TCF24: variants seen among roughly 807,000 people sequenced by gnomAD.
TCF24 encodes the protein transcription factor 24.
TCF24 carries 5 observed loss-of-function variants against 9.3 expected under a neutral mutation model. The ratio of observed to expected loss-of-function variants is 0.54; its 90% CI spans 0.28 to 1.13. TCF24 has a LOEUF of 1.13. TCF24 is among the 50% of genes most tolerant of loss of function. TCF24 has a pLI of 0.09. For missense variants in TCF24, 220 were observed against 236.1 expected, an observed-to-expected ratio of 0.93 and a Z score of 0.45; for synonymous variants, 110 against 115.8, an observed-to-expected ratio of 0.95 and a Z score of 0.32.
chr8:66,959,370 A>G (rs1001923873), intron 3 of TCF24, among the ~76,000 whole-genome samples: 5 of 152,250 alleles, frequency 3.3e-5, no homozygotes, highest in African/African-American at 1.2e-4. Flanking sequence ...AGTTGACCAT[A>G]AAAGTATAAA....
intron 3 of TCF24, among the ~76,000 whole-genome samples, chr8:66,953,168 T>C (rs376400478): frequency 6.6e-6 from 1 of 151,996 alleles, no homozygotes; most frequent in East Asian, 1.9e-4. Context: ...TGCTCGTTAG[T>C]TGATGCAGTT....
intron 3 of TCF24, among the ~76,000 whole-genome samples, chr8:66,958,047 A>C (rs1304176891): frequency 2.0e-5 from 3 of 152,076 alleles, no homozygotes; most frequent in Non-Finnish European, 4.4e-5. Flanking sequence ...CTCCTTTTTC[A>C]TGGATTAATA....
At chr8:66,952,687 C>A (rs980091527) in intron 3 of TCF24, among the ~76,000 whole-genome samples, 24 of 147,844 alleles carry the variant, frequency 1.6e-4, no homozygotes, top group African/African-American at 2.7e-4. Context: ...CTAATGTTGA[C>A]AGTGGGGTGT....
intron 3 of TCF24, among the ~76,000 whole-genome samples, chr8:66,954,794 T>C (rs546780845): frequency 6.6e-6 from 1 of 152,386 alleles, no homozygotes; most frequent in Admixed American, 6.5e-5. Flanking sequence ...TATAATCTCG[T>C]GGTGTGCCGT....
At chr8:66,961,063 G>A (rs563249744) in intron 3 of TCF24, among the ~76,000 whole-genome samples, 15 of 152,206 alleles carry the variant, frequency 9.9e-5, no homozygotes, top group Non-Finnish European at 2.2e-4. Context: ...ATCAGGATGT[G>A]CAACCAAGCC....
intron 3 of TCF24, chr8:66,954,975 T>C (rs1421271830): frequency 6.4e-6 from 1 of 155,098 alleles, no homozygotes; most frequent in Non-Finnish European, 1.4e-5. Context: ...GCGCACCCAC[T>C]GACCTGCGCC....
rs1346341937 is a variant in TCF24 at position 66,948,101 on chromosome 8, A to G, written c.454T>C (p.Ser152Pro). ...TTGTCATGATTTGTTTTTTCTCCAG[A>G]AACAGAATGCTTCAGAAACTGACCA... ...ATGQFLKHSV[S>P]GEKTNHDNTP... The change falls in exon 4 of 4, where the codon TCT (serine) becomes CCT (proline). Residue 152 changes from serine (S) to proline (P), a missense_variant. Coordinates refer to ENST00000563496, the MANE Select transcript of TCF24 (RefSeq NM_001193502.2). 1 of 1,535,254 alleles carries G rather than the reference A, an allele frequency of 6.5e-7. No individual in the cohort carries two copies. The highest frequency in any genetic ancestry group is 2.0e-5 in the Admixed American group (1 of 50,716).
intron 3 of TCF24, among the ~76,000 whole-genome samples, chr8:66,951,715 A>T (rs1027399206): frequency 6.6e-6 from 1 of 151,988 alleles, no homozygotes; most frequent in African/African-American, 2.4e-5. Flanking sequence ...CTGTGAATCC[A>T]TCTGGTCCTG....
At position 66,961,898 on chromosome 8, in the gene TCF24, G is replaced by A; in HGVS notation, c.-45C>T. The A allele has an allele frequency of 2.5e-6, 2 of 800,168 alleles. No homozygotes were observed. Among genetic ancestry groups the A allele is most frequent in the Non-Finnish European group, 3.1e-6 (2 of 654,788 alleles). The allele number at this position is 800,168 out of a possible 1,614,324, so 49.6% of individuals were successfully genotyped here. A position where few individuals can be genotyped will look rare whatever the true frequency, so the allele number is the denominator to read the frequency against. On this transcript the variant is annotated 5_prime_UTR_variant, in exon 2 of 4. Transcript: ENST00000563496. ...CCACCAGCAGCCCAACGGGGCTAAGGGCGCTCTCAAGCGAGCTCGTTTTGC... is the reference window on the plus strand; with the variant it reads ...CCACCAGCAGCCCAACGGGGCTAAGAGCGCTCTCAAGCGAGCTCGTTTTGC...
intron 3 of TCF24, among the ~76,000 whole-genome samples, chr8:66,948,921 C>G (rs1192623939): frequency 3.9e-5 from 6 of 152,116 alleles, no homozygotes; most frequent in Non-Finnish European, 5.9e-5. Context: ...GTCTTGAACT[C>G]CTGACCTCAA....
intron 3 of TCF24, among the ~76,000 whole-genome samples, chr8:66,951,455 G>A (rs1288058227): frequency 6.7e-6 from 1 of 149,054 alleles, no homozygotes; most frequent in Non-Finnish European, 1.5e-5. Flanking sequence ...CTTGATCATG[G>A]TGGATAAGCT....
At chr8:66,958,915 C>T (rs1814211251) in intron 3 of TCF24, among the ~76,000 whole-genome samples, 1 of 152,150 alleles carries the variant, frequency 6.6e-6, no homozygotes, top group Admixed American at 6.6e-5. Flanking sequence ...TTAAAAACTG[C>T]CATTTCAGGC....
rs896341698 is a variant in TCF24 at position 66,946,758 on chromosome 8, TCTA to T, written c.*1290_*1292del. 3.0e-4 allele frequency: 46 copies of T among 152,302 alleles called. No individual in the cohort carries two copies. The highest frequency in any genetic ancestry group is 1.1e-3 in the African/African-American group (45 of 41,570). 9.4% of individuals were successfully genotyped at this position (152,302 alleles called of 1,614,324 possible). A position where few individuals can be genotyped will look rare whatever the true frequency, so the allele number is the denominator to read the frequency against. ...AAAGTAATACCATCAAAGGCAAAGCTCTACTAACTATTTAACAGGATGACTTAG... is the reference window on the plus strand; with the variant it reads ...AAAGTAATACCATCAAAGGCAAAGCTCTAACTATTTAACAGGATGACTTAG... On this transcript the variant is annotated 3_prime_UTR_variant, in exon 4 of 4. Transcript: ENST00000563496.
In TCF24 at chr8:66,948,009, A is replaced by G. The variant is rs1398768197; in HGVS notation, c.*42T>C. The G allele has an allele frequency of 1.4e-6, 2 of 1,381,768 alleles. No homozygotes were observed. The highest frequency in any genetic ancestry group is 1.9e-6 in the Non-Finnish European group (2 of 1,038,154). The allele number at this position is 1,381,768 out of a possible 1,614,324, so 85.6% of individuals were successfully genotyped here. ...ATAGAATTATGTCATAGTATTTAAA[A>G]ACAATAGCCACCACTTCTACCAGCC... On this transcript the variant is annotated 3_prime_UTR_variant, in exon 4 of 4. Coordinates refer to ENST00000563496, the MANE Select transcript of TCF24 (RefSeq NM_001193502.2).
chr8:66,950,420 C>T (rs1357842300), intron 3 of TCF24, among the ~76,000 whole-genome samples: 5 of 152,134 alleles, frequency 3.3e-5, no homozygotes, highest in East Asian at 1.9e-4. Context: ...TGTAGATATG[C>T]GGCGTTATTT....
At chr8:66,959,076 C>T (rs764401035) in intron 3 of TCF24, among the ~76,000 whole-genome samples, 3 of 152,226 alleles carry the variant, frequency 2.0e-5, no homozygotes, top group Non-Finnish European at 2.9e-5. Context: ...TCGCATAAGC[C>T]TCCCCAGTAG....
chr8:66,960,604 C>T (rs995105159), intron 3 of TCF24, among the ~76,000 whole-genome samples: 1 of 152,010 alleles, frequency 6.6e-6, no homozygotes, highest in Non-Finnish European at 1.5e-5. Context: ...CAGTAGGTAA[C>T]GAAGCATAAT....
At chr8:66,952,727 T>A (rs1456615032) in intron 3 of TCF24, among the ~76,000 whole-genome samples, 3 of 151,064 alleles carry the variant, frequency 2.0e-5, no homozygotes, top group Non-Finnish European at 4.4e-5. Context: ...TGTGTGGGAG[T>A]CTAAGTCTCT....
At chr8:66,953,633 A>G (rs1814093543) in intron 3 of TCF24, among the ~76,000 whole-genome samples, 1 of 151,954 alleles carries the variant, frequency 6.6e-6, no homozygotes, top group East Asian at 1.9e-4. Flanking sequence ...CTGAATCTGA[A>G]TGTTGGCCTG....
Sources: gnomAD v4.1 joint callset for allele counts (sites outside exome capture counted in the v4.1 genomes callset) on GRCh38, gnomAD v4.1.1 for gene constraint, MANE v1.5 for transcripts, NCBI Gene and HGNC (gene_info 2026-07-23, HGNC 2026-07-21) for gene names.